PGM2L1: variants seen among roughly 807,000 people sequenced by gnomAD.
PGM2L1 encodes glucose 1,6-bisphosphate synthase.
Under a neutral mutation model 73.4 loss-of-function variants are expected in PGM2L1, and 35 were observed. The observed-to-expected ratio is 0.48, with a 90% CI of 0.36 to 0.63. PGM2L1 has a LOEUF of 0.63. Ranked by LOEUF, PGM2L1 falls within the 30% of genes least tolerant of loss-of-function variation. PGM2L1 has a pLI of 0.00. For missense variants in PGM2L1, 570 were observed against 742.0 expected (o/e 0.77, Z 2.69); for synonymous variants, 225 against 253.8 (o/e 0.89, Z 1.08).
At chr11:74,359,557 G>A (rs1019707366) in intron 5 of PGM2L1, among the ~76,000 whole-genome samples, 15 of 113,758 alleles carry the variant, frequency 1.3e-4, no homozygotes, top group African/African-American at 4.4e-4. Flanking sequence ...ATATATACAC[G>A]TACATACATA....
intron 5 of PGM2L1, among the ~76,000 whole-genome samples, chr11:74,359,586 T>C (rs910082670): frequency 6.6e-6 from 1 of 151,472 alleles, no homozygotes; most frequent in Non-Finnish European, 1.5e-5. Context: ...TATATACACA[T>C]ACATACACAT....
intron 8 of PGM2L1, 57 bp downstream of exon 8, chr11:74,346,675 T>G (rs1565435999): frequency 1.4e-6 from 2 of 1,383,406 alleles, no homozygotes; most frequent in Non-Finnish European, 2.1e-6. Context: ...CTGTAAGACT[T>G]AAAATACATT....
chr11:74,353,653 G>GT (rs1467230222), intron 5 of PGM2L1, among the ~76,000 whole-genome samples: 1 of 151,770 alleles, frequency 6.6e-6, no homozygotes, highest in Admixed American at 6.6e-5. Context: ...GGGGCTGGGG[G>GT]TAAGGCCATA....
At chr11:74,354,762 A>G (rs1382036782) in intron 5 of PGM2L1, 3 of 996,124 alleles carry the variant, frequency 3.0e-6, no homozygotes, top group Non-Finnish European at 4.6e-6. Flanking sequence ...TGAAAAAGCT[A>G]TTTGTTGGTA....
rs143204272 is a variant in PGM2L1, at chr11:74,356,301, G to A, written c.556-4725C>T. Reference sequence around the variant, plus strand: ...CCCAAGCAAAATCATGGAATTATTGGTTATAAAAATGATTGTTGACACATA... The same window carrying A: ...CCCAAGCAAAATCATGGAATTATTGATTATAAAAATGATTGTTGACACATA... On this transcript the variant is annotated intron_variant, in intron 5 of 13. Coordinates refer to ENST00000298198, the MANE Select transcript of PGM2L1 (RefSeq NM_173582.6). Among the ~76,000 whole-genome samples, 711 of 152,156 alleles carry A rather than the reference G, an allele frequency of 4.7e-3. 8 individuals are homozygous for A. Among genetic ancestry groups the A allele is most frequent in the African/African-American group, 0.016 (673 of 41,506 alleles).
chr11:74,383,474 T>G (rs1489031542), intron 1 of PGM2L1, among the ~76,000 whole-genome samples: 1 of 152,180 alleles, frequency 6.6e-6, no homozygotes, highest in African/African-American at 2.4e-5. Context: ...CTTTATTTTA[T>G]ATTCCAGATA....
chr11:74,359,856 A>G (rs1462391112), intron 5 of PGM2L1, among the ~76,000 whole-genome samples: 1 of 152,228 alleles, frequency 6.6e-6, no homozygotes, highest in Non-Finnish European at 1.5e-5. Context: ...CTACTGTTTC[A>G]CTTTTTAACC....
At chr11:74,338,417 T>C in intron 13 of PGM2L1, 51 bp downstream of exon 13, 1 of 1,446,034 alleles carries the variant, frequency 6.9e-7, no homozygotes, top group East Asian at 2.3e-5. Context: ...GTATGTGAAT[T>C]ATATTTCAAT....
At chr11:74,383,690 A>G (rs979401844) in intron 1 of PGM2L1, among the ~76,000 whole-genome samples, 1 of 151,878 alleles carries the variant, frequency 6.6e-6, no homozygotes. Context: ...AAGTGAGAAC[A>G]TGCGGTGTTC....
intron 4 of PGM2L1, among the ~76,000 whole-genome samples, chr11:74,369,110 A>G (rs1044792804): frequency 6.6e-6 from 1 of 152,204 alleles, no homozygotes; most frequent in Non-Finnish European, 1.5e-5. Flanking sequence ...TTCAGTCCAC[A>G]CATCCCTACA....
Position 74,332,258 on chromosome 11 carries a change from G to A in PGM2L1, c.*4394C>T, listed in dbSNP as rs891987345. ...ATTGCCCATTCATTTTGGTTAGTAC[G>A]ACTCTTTCCTCATCAGTTTCTAGAA... On this transcript the variant is annotated 3_prime_UTR_variant, in exon 14 of 14. Coordinates refer to ENST00000298198, the MANE Select transcript of PGM2L1 (RefSeq NM_173582.6). 2 of 152,134 alleles carry A rather than the reference G, an allele frequency of 1.3e-5. No homozygotes were observed. Among genetic ancestry groups the A allele is most frequent in the African/African-American group, 2.4e-5 (1 of 41,414 alleles). 9.4% of individuals were successfully genotyped at this position (152,134 alleles called of 1,614,324 possible).
rs1297288100 is a variant in PGM2L1, at chr11:74,331,667, A to G, written c.*4985T>C. On this transcript the variant is annotated 3_prime_UTR_variant, in exon 14 of 14. Coordinates refer to ENST00000298198, the MANE Select transcript of PGM2L1 (RefSeq NM_173582.6). ...AAAACTGAGCAGCCACGTGATGAACATGGTGCTCCTTTGTGGTGGCATAAG... is the reference window on the plus strand; with the variant it reads ...AAAACTGAGCAGCCACGTGATGAACGTGGTGCTCCTTTGTGGTGGCATAAG... 2 of 152,258 alleles carry G rather than the reference A, an allele frequency of 1.3e-5. No homozygotes were observed. The highest frequency in any genetic ancestry group is 6.5e-5 in the Admixed American group (1 of 15,284). The allele number at this position is 152,258 out of a possible 1,614,324, so 9.4% of individuals were successfully genotyped here. A position where few individuals can be genotyped will look rare whatever the true frequency, so the allele number is the denominator to read the frequency against.
intron 1 of PGM2L1, among the ~76,000 whole-genome samples, chr11:74,392,563 C>T (rs1481924879): frequency 2.0e-5 from 3 of 149,708 alleles, no homozygotes. Flanking sequence ...TTTTTTGAGA[C>T]GGAGTCTGGC....
At chr11:74,339,941 C>G (rs2134880315) in intron 12 of PGM2L1, among the ~76,000 whole-genome samples, 1 of 152,340 alleles carries the variant, frequency 6.6e-6, no homozygotes, top group African/African-American at 2.4e-5. Context: ...CCCAAAGTCT[C>G]TTCCATGACA....
intron 5 of PGM2L1, among the ~76,000 whole-genome samples, chr11:74,367,418 A>G (rs1862677680): frequency 6.6e-6 from 1 of 152,212 alleles, no homozygotes; most frequent in African/African-American, 2.4e-5. Context: ...GAAGACAACA[A>G]TGGTTTAGAA....
At chr11:74,395,350 T>A (rs1359264849) in intron 1 of PGM2L1, among the ~76,000 whole-genome samples, 1 of 152,012 alleles carries the variant, frequency 6.6e-6, no homozygotes. Context: ...GAATTTATCT[T>A]CCACTTTCAA....
At chr11:74,345,868 A>C (rs1210038767) in intron 8 of PGM2L1, among the ~76,000 whole-genome samples, 1 of 152,194 alleles carries the variant, frequency 6.6e-6, no homozygotes, top group Admixed American at 6.5e-5. Context: ...ATATCATTAC[A>C]TTTATTCTTT....
At chr11:74,382,689 G>T (rs1862964031) in intron 1 of PGM2L1, among the ~76,000 whole-genome samples, 1 of 151,992 alleles carries the variant, frequency 6.6e-6, no homozygotes, top group East Asian at 1.9e-4. Flanking sequence ...TGTAGAGATT[G>T]GGTCTTGCCA....
rs547652950 is a variant in PGM2L1, at chr11:74,355,553, CAAAAA to C, written c.556-3982_556-3978del. 704 of 113,796 alleles carry C rather than the reference CAAAAA, an allele frequency of 6.2e-3. 1 individual carries two copies. Among genetic ancestry groups the C allele is most frequent in the Non-Finnish European group, 7.7e-3 (461 of 60,174 alleles). 7.0% of individuals were successfully genotyped at this position (113,796 alleles called of 1,614,324 possible). ...TGGGCGACAGAGCGAGACTCCGTCT[CAAAAA>C]AAAAAAAAAAAAAAAAAAAAATTTG... On this transcript the variant is annotated intron_variant, in intron 5 of 13. Transcript: ENST00000298198.
Sources: gnomAD v4.1 joint callset for allele counts (sites outside exome capture counted in the v4.1 genomes callset) on GRCh38, gnomAD v4.1.1 for gene constraint, MANE v1.5 for transcripts, NCBI Gene and HGNC (gene_info 2026-07-23, HGNC 2026-07-21) for gene names.